The following CLIC5 variants were observed in gnomAD, a reference collection of about 807,000 sequenced individuals.
The protein encoded by CLIC5 is chloride intracellular channel protein 5.
In CLIC5, 20 loss-of-function variants were observed where a neutral mutation model predicts 24.7. The observed-to-expected ratio is 0.81, with a 90% CI of 0.57 to 1.18. CLIC5 has a LOEUF of 1.18. Ranked by LOEUF, CLIC5 falls within the 50% of genes most tolerant of loss-of-function variation. The pLI, the probability that CLIC5 is intolerant of heterozygous loss-of-function variation, is 0.00. For missense variants in CLIC5, 341 were observed against 326.1 expected (o/e 1.05, Z -0.35); for synonymous variants, 159 against 135.6 (o/e 1.17, Z -1.20).
the CLIC5 span, among the ~76,000 whole-genome samples, chr6:46,113,580 C>T: frequency 6.6e-6 from 1 of 152,144 alleles, no homozygotes; most frequent in Non-Finnish European, 1.5e-5. Context: ...CACTTACCAG[C>T]AGGTGGGTCA....
intron 1 of CLIC5, among the ~76,000 whole-genome samples, chr6:45,967,215 G>A (rs1379927299): frequency 2.6e-5 from 4 of 152,146 alleles, no homozygotes; most frequent in Admixed American, 6.5e-5. Context: ...ACTTGGGCAG[G>A]GTGGATCCAC....
At chr6:45,962,116 T>C (rs1483593201) in intron 1 of CLIC5, among the ~76,000 whole-genome samples, 1 of 150,636 alleles carries the variant, frequency 6.6e-6, no homozygotes, top group Non-Finnish European at 1.5e-5. Flanking sequence ...CTACTATATA[T>C]GGAGAAACGT....
At chr6:46,107,750 A>T in the CLIC5 span, among the ~76,000 whole-genome samples, 1 of 152,080 alleles carries the variant, frequency 6.6e-6, no homozygotes, top group African/African-American at 2.4e-5. Flanking sequence ...ATAAAACTTA[A>T]TGGGGCTGGG....
At chr6:46,063,820 C>T (rs1480806397) in intron 1 of CLIC5, among the ~76,000 whole-genome samples, 8 of 152,288 alleles carry the variant, frequency 5.3e-5, no homozygotes, top group Admixed American at 3.3e-4. Context: ...GAGCTGTAGA[C>T]TAGGGCGTTT....
rs538565098 is a variant in CLIC5 at position 46,074,527 on chromosome 6, G to A, written c.540+5176C>T. On this transcript the variant is annotated intron_variant, in intron 1 of 5. Transcript: ENST00000185206. ...CTTCAACAGGACATTTACATTTTCT[G>A]TGAATAGTGCCCCCTAAACTTGTTC... Among the ~76,000 whole-genome samples, 8 of 152,320 alleles carry A rather than the reference G, an allele frequency of 5.3e-5. No individual in the cohort carries two copies. In the East Asian group the frequency reaches 1.5e-3, roughly 29 times the overall value.
At chr6:46,071,799 C>T (rs1473516954) in intron 1 of CLIC5, among the ~76,000 whole-genome samples, 1 of 152,162 alleles carries the variant, frequency 6.6e-6, no homozygotes, top group Non-Finnish European at 1.5e-5. Context: ...AAGTTCTTTG[C>T]AGCACTATTC....
chr6:45,885,054 C>G (rs905227018), intron 6 of CLIC5, among the ~76,000 whole-genome samples: 2 of 144,328 alleles, frequency 1.4e-5, no homozygotes, highest in Non-Finnish European at 3.0e-5. Flanking sequence ...AGACTCCCCA[C>G]CCTACCACCG....
At chr6:45,958,964 AC>A in intron 1 of CLIC5, among the ~76,000 whole-genome samples, 1 of 46,178 alleles carries the variant, frequency 2.2e-5, no homozygotes, top group Non-Finnish European at 6.5e-5. Flanking sequence ...ATGCATACAT[AC>A]TACATACATA....
intron 1 of CLIC5, among the ~76,000 whole-genome samples, chr6:45,975,808 C>T (rs916449121): frequency 1.3e-5 from 2 of 152,102 alleles, no homozygotes; most frequent in Non-Finnish European, 2.9e-5. Context: ...CCATTCATCA[C>T]CCTCACTTGA....
In CLIC5 at chr6:45,903,170, T is replaced by G; in HGVS notation, c.674A>C (p.Asp225Ala). 15 of 1,614,138 alleles carry G rather than the reference T, an allele frequency of 9.3e-6. No individual in the cohort carries two copies. Among genetic ancestry groups the G allele is most frequent in the Non-Finnish European group, 1.3e-5 (15 of 1,180,006 alleles). Residue 225 changes from aspartate (D) to alanine (A), a missense_variant, in exon 6 of 6, where the codon GAT (aspartate) becomes GCT (alanine). Transcript: ENST00000339561. ...AGCTGCACAGGTGTTGGTGAACTCA[T>G]CACGGGCATAGGCGTTCTTGAGGTA... Reference protein sequence around the residue: ...WRYLKNAYARDEFTNTCAADS... With the variant: ...WRYLKNAYARAEFTNTCAADS...
At chr6:46,047,188 A>T (rs1581897083) in intron 1 of CLIC5, among the ~76,000 whole-genome samples, 1 of 152,208 alleles carries the variant, frequency 6.6e-6, no homozygotes, top group African/African-American at 2.4e-5. Context: ...CATCTTGGGT[A>T]CTTCACTAAG....
At chr6:45,895,179 T>C (rs184739387), downstream of CLIC5, among the ~76,000 whole-genome samples, 48 of 152,308 alleles carry the variant, frequency 3.2e-4, no homozygotes, top group Admixed American at 1.9e-3. Context: ...AATGAACCTA[T>C]ATGCGGAAAA....
At chr6:46,115,510 T>C in the CLIC5 span, among the ~76,000 whole-genome samples, 1 of 152,180 alleles carries the variant, frequency 6.6e-6, no homozygotes, top group Non-Finnish European at 1.5e-5. Context: ...TTTTTCAGCT[T>C]TTGGGTTTTA....
chr6:45,926,499 G>T (rs1436785397), intron 4 of CLIC5, among the ~76,000 whole-genome samples: 1 of 151,000 alleles, frequency 6.6e-6, no homozygotes, highest in East Asian at 2.0e-4. Flanking sequence ...CTTGTGATCC[G>T]CCCCCCTCGG....
chr6:46,067,848 T>C (rs566247053), intron 1 of CLIC5, among the ~76,000 whole-genome samples: 1 of 152,024 alleles, frequency 6.6e-6, no homozygotes, highest in African/African-American at 2.4e-5. Context: ...TGTCTGGGGG[T>C]TCCCATTCAA....
At chr6:45,990,331 T>C (rs1352480707) in intron 1 of CLIC5, among the ~76,000 whole-genome samples, 1 of 152,174 alleles carries the variant, frequency 6.6e-6, no homozygotes, top group Non-Finnish European at 1.5e-5. Flanking sequence ...ATTCCAGCAA[T>C]AGGTCAGTGA....
At chr6:46,076,456 T>C (rs1762772652) in intron 1 of CLIC5, among the ~76,000 whole-genome samples, 1 of 152,060 alleles carries the variant, frequency 6.6e-6, no homozygotes, top group South Asian at 2.1e-4. Context: ...ACAAGAGAAA[T>C]GCAAGGAGAG....
intron 1 of CLIC5, among the ~76,000 whole-genome samples, chr6:45,974,522 T>TATATATATATATAG (rs1339415709): frequency 4.5e-5 from 3 of 66,006 alleles, no homozygotes; most frequent in Non-Finnish European, 8.2e-5. Flanking sequence ...TATATATATA[T>TATATATATATATAG]AGAGAGAGAG....
chr6:45,917,629 A>C (rs779372285), intron 4 of CLIC5, among the ~76,000 whole-genome samples: 12 of 152,226 alleles, frequency 7.9e-5, no homozygotes, highest in Middle Eastern at 3.2e-3. Flanking sequence ...TAGACACAAC[A>C]TGCCTGTGTG....
Sources: gnomAD v4.1 joint callset for allele counts (sites outside exome capture counted in the v4.1 genomes callset) on GRCh38, gnomAD v4.1.1 for gene constraint, MANE v1.5 for transcripts, NCBI Gene and HGNC (gene_info 2026-07-23, HGNC 2026-07-21) for gene names.